MTMR9: variants seen among roughly 807,000 people sequenced by gnomAD.
MTMR9 encodes myotubularin related protein 9, also known as myotubularin-related protein 9.
In MTMR9, 39 loss-of-function variants were observed where a neutral mutation model predicts 69.5. The ratio of observed to expected loss-of-function variants is 0.56; its 90% confidence interval spans 0.43 to 0.73. MTMR9 has a LOEUF of 0.73. MTMR9 is among the 30% of genes least tolerant of loss of function. The pLI, the probability that MTMR9 is intolerant of heterozygous loss-of-function variation, is 0.00. For synonymous variants in MTMR9, 354 were observed against 240.8 expected (o/e 1.47, Z -4.35); for missense variants, 900 against 671.2 (o/e 1.34, Z -3.77).
intron 2 of MTMR9, chr8:11,297,920 C>T (rs1378250649): frequency 4.4e-6 from 2 of 456,126 alleles, no homozygotes; most frequent in African/African-American, 2.0e-5. Context: ...GCTAGCCCTC[C>T]ACCCTTCCCC....
chr8:11,335,370 A>T, the MTMR9 span, among the ~76,000 whole-genome samples: 1 of 152,222 alleles, frequency 6.6e-6, no homozygotes, highest in Admixed American at 6.5e-5. Context: ...AATATATACA[A>T]AATCTACATG....
In MTMR9 at chr8:11,295,214, C is replaced by T; in HGVS notation, c.203C>T (p.Thr68Ile). 1 of 1,606,504 alleles carries T rather than the reference C, an allele frequency of 6.2e-7. No individual in the cohort carries two copies. Among genetic ancestry groups the T allele is most frequent in the Non-Finnish European group, 8.5e-7 (1 of 1,174,120 alleles). ...IDKRFVGSLGTIIIKCKDFRI... is the reference protein window; with the variant it reads ...IDKRFVGSLGIIIIKCKDFRI... ...TACAGATTTGTAGGATCACTGGGTA[C>T]CATCATCATAAAATGTAAAGATTTT... The change falls in exon 2 of 10, where the codon ACC (threonine) becomes ATC (isoleucine). Residue 68 changes from threonine (T) to isoleucine (I), a missense_variant. Thr to Ile is a moderately conservative substitution (Grantham distance 89). Transcript: ENST00000221086.
chr8:11,305,186 G>T (rs537476574), intron 4 of MTMR9, among the ~76,000 whole-genome samples, 172 bp downstream of exon 4: 1 of 152,248 alleles, frequency 6.6e-6, no homozygotes, highest in Admixed American at 6.5e-5. Flanking sequence ...TGTTTTCTGT[G>T]GTGAGGATGT....
At chr8:11,322,513 A>G in intron 9 of MTMR9, 112 bp from the exon 10 acceptor site, 1 of 861,234 alleles carries the variant, frequency 1.2e-6, no homozygotes. Flanking sequence ...GAGTTGTGGC[A>G]ACAAAAGAAA....
At chr8:11,315,807 T>G (rs1481820941) in intron 7 of MTMR9, 1 of 152,304 alleles carries the variant, frequency 6.6e-6, no homozygotes, top group Admixed American at 6.5e-5. Flanking sequence ...GAAAGTCTAT[T>G]GAGCTATATT....
chr8:11,312,582 C>A (rs1008796616), intron 6 of MTMR9, among the ~76,000 whole-genome samples: 1 of 152,200 alleles, frequency 6.6e-6, no homozygotes, highest in Non-Finnish European at 1.5e-5. Context: ...TCCAGTAAAG[C>A]CTTATGCCCC....
At chr8:11,313,160 G>GT (rs1367595833) in intron 6 of MTMR9, among the ~76,000 whole-genome samples, 3 of 152,200 alleles carry the variant, frequency 2.0e-5, no homozygotes, top group Admixed American at 6.5e-5. Context: ...TGACAAGAGA[G>GT]TTTGCTTCTT....
chr8:11,302,414 T>TA (rs1330367286), intron 3 of MTMR9, among the ~76,000 whole-genome samples: 1 of 151,116 alleles, frequency 6.6e-6, no homozygotes, highest in Non-Finnish European at 1.5e-5. Context: ...TACAAGATAA[T>TA]AAAAAAATCT....
At chr8:11,331,340 C>A (rs772343710), downstream of MTMR9, 2 of 1,613,998 alleles carry the variant, frequency 1.2e-6, no homozygotes, top group South Asian at 2.2e-5. Flanking sequence ...GTCGATGCCT[C>A]TTCCACCTCC....
the MTMR9 span, among the ~76,000 whole-genome samples, chr8:11,334,368 T>TA: frequency 6.6e-6 from 1 of 152,162 alleles, no homozygotes; most frequent in Non-Finnish European, 1.5e-5. Context: ...GGGACATCAA[T>TA]AACAAAGGGC....
chr8:11,311,505 T>C (rs924519420), intron 6 of MTMR9, among the ~76,000 whole-genome samples: 1 of 152,250 alleles, frequency 6.6e-6, no homozygotes, highest in Admixed American at 6.5e-5. Flanking sequence ...TATAAAGTTA[T>C]GTTTACACTA....
intron 1 of MTMR9, among the ~76,000 whole-genome samples, chr8:11,285,490 A>T (rs1329084390): frequency 6.6e-6 from 1 of 152,210 alleles, no homozygotes; most frequent in African/African-American, 2.4e-5. Context: ...TTATAAAGTT[A>T]TGAGTGTCTA....
Position 11,322,672 on chromosome 8 carries a change from T to G in MTMR9, c.1534T>G (p.Tyr512Asp). 6.2e-7 allele frequency: 1 copy of G among 1,613,904 alleles called. No individual in the cohort carries two copies. Among genetic ancestry groups the G allele is most frequent in the African/African-American group, 1.3e-5 (1 of 75,052 alleles). ...NRSSKYLDEA[Y>D]EEMVNIIEYN... ...ATCCTCTAAGTATTTGGATGAAGCA[T>G]ATGAAGAAATGGTTAACATCATTGA... The change falls in exon 10 of 10, where the codon TAT becomes GAT. Residue 512 changes from tyrosine (Y) to aspartate (D), a missense_variant. Tyr to Asp is a radical substitution (Grantham distance 160). Transcript: ENST00000221086.
chr8:11,310,796 AAC>A (rs1326572502), intron 6 of MTMR9, among the ~76,000 whole-genome samples: 1 of 145,998 alleles, frequency 6.8e-6, no homozygotes, highest in East Asian at 2.2e-4. Flanking sequence ...AATTGTAATA[AAC>A]AGTTAATCAC....
chr8:11,320,796 A>C (rs996929159), intron 9 of MTMR9: 13 of 152,288 alleles, frequency 8.5e-5, no homozygotes, highest in African/African-American at 3.1e-4. Context: ...TTCATTAAAC[A>C]AAGCCTCTAA....
rs1007545339 is a variant in MTMR9 at position 11,305,021 on chromosome 8, G to A, written c.591+7G>A. ...CCACAAAAAAAATGGGATGGTAAGTGCACAGCACTACTGCTTGATGTACTG... is the reference window on the plus strand; with the variant it reads ...CCACAAAAAAAATGGGATGGTAAGTACACAGCACTACTGCTTGATGTACTG... On this transcript the variant is annotated splice_region_variant and intron_variant, in intron 4 of 9. Transcript: ENST00000221086. The A allele has an allele frequency of 2.5e-6, 4 of 1,613,310 alleles. No individual in the cohort carries two copies. Among genetic ancestry groups the A allele is most frequent in the Non-Finnish European group, 3.4e-6 (4 of 1,179,474 alleles).
downstream of MTMR9, chr8:11,330,837 C>G (rs1341772203): frequency 3.7e-6 from 2 of 535,082 alleles, no homozygotes; most frequent in Admixed American, 7.3e-5. Context: ...ACTTGTTTAT[C>G]TGCTGACCTT....
Position 11,326,002 on chromosome 8 carries a change from T to G in MTMR9, c.*3214T>G, listed in dbSNP as rs1585142863. 1 of 152,194 alleles carries G rather than the reference T, an allele frequency of 6.6e-6. No individual in the cohort carries two copies. Among genetic ancestry groups the G allele is most frequent in the Non-Finnish European group, 1.5e-5 (1 of 68,032 alleles). 9.4% of individuals were successfully genotyped at this position (152,194 alleles called of 1,614,324 possible). On this transcript the variant is annotated 3_prime_UTR_variant, in exon 10 of 10. Coordinates refer to ENST00000221086, the MANE Select transcript of MTMR9 (RefSeq NM_015458.4). ...TTTGAGGCCTGATTTAGGGGTGGGATTTTATTGCTTTTTGTTTTAAAGGAT... is the reference window on the plus strand; with the variant it reads ...TTTGAGGCCTGATTTAGGGGTGGGAGTTTATTGCTTTTTGTTTTAAAGGAT...
intron 9 of MTMR9, among the ~76,000 whole-genome samples, chr8:11,321,809 C>T (rs1447351487): frequency 1.3e-5 from 2 of 152,222 alleles, no homozygotes; most frequent in African/African-American, 4.8e-5. Flanking sequence ...CTGATACAGC[C>T]TGATGTTGGG....
Sources: gnomAD v4.1 joint callset for allele counts (sites outside exome capture counted in the v4.1 genomes callset) on GRCh38, gnomAD v4.1.1 for gene constraint, MANE v1.5 for transcripts, NCBI Gene and HGNC (gene_info 2026-07-23, HGNC 2026-07-21) for gene names.